Variants in KCNIP4 observed in about 807,000 individuals in gnomAD.
KCNIP4 encodes Kv channel-interacting protein 4.
In KCNIP4, 12 loss-of-function variants were observed where a neutral mutation model predicts 34.0. The observed-to-expected ratio is 0.35, with a 90% CI of 0.23 to 0.57. KCNIP4 has a LOEUF of 0.57. Among genes scored for constraint, KCNIP4 ranks in the 20% least tolerant of loss-of-function variants. The pLI, the probability that KCNIP4 is intolerant of heterozygous loss-of-function variation, is 0.83. For missense variants in KCNIP4, 238 were observed against 311.7 expected (o/e 0.76, Z 1.78); for synonymous variants, 124 against 102.2 (o/e 1.21, Z -1.29).
intron 1 of KCNIP4, among the ~76,000 whole-genome samples, chr4:21,745,030 A>G (rs1716677321): frequency 6.6e-6 from 1 of 152,194 alleles, no homozygotes; most frequent in Non-Finnish European, 1.5e-5. Flanking sequence ...AGAAACAAAA[A>G]ACAGTGCCTT....
chr4:21,428,108 T>C lies in KCNIP4; in HGVS notation c.61+520463A>G, dbSNP rs371306340. ...GACAAATACGGTAACCTGGAGAAACTGGGGCTGGCAGTATCTGAGTGGGCT... is the reference window on the plus strand; with the variant it reads ...GACAAATACGGTAACCTGGAGAAACCGGGGCTGGCAGTATCTGAGTGGGCT... On this transcript the variant is annotated intron_variant, in intron 1 of 8. Transcript: ENST00000382152. 5.3e-5 allele frequency among the ~76,000 whole-genome samples: 8 copies of C among 152,238 alleles called. No individual in the cohort carries two copies. In the South Asian group the frequency reaches 1.7e-3, roughly 32 times the overall value.
intron 1 of KCNIP4, among the ~76,000 whole-genome samples, chr4:21,442,523 A>G (rs767573005): frequency 6.6e-6 from 1 of 152,244 alleles, no homozygotes; most frequent in Non-Finnish European, 1.5e-5. Flanking sequence ...TACAAGAGAT[A>G]ATGTTAGTCC....
intron 3 of KCNIP4, among the ~76,000 whole-genome samples, chr4:20,800,057 G>C (rs1714029465): frequency 6.6e-6 from 1 of 152,210 alleles, no homozygotes; most frequent in African/African-American, 2.4e-5. Context: ...CACTGTGGGG[G>C]AAGATAAGAA....
In KCNIP4 at chr4:21,117,317, G is replaced by T. The variant is rs901326102; in HGVS notation, c.62-234608C>A. Among the ~76,000 whole-genome samples, 43 of 118,610 alleles carry T rather than the reference G, an allele frequency of 3.6e-4. 10 individuals are homozygous for T. In the Admixed American group the frequency reaches 3.7e-3, roughly 10 times the overall value. The allele number at this position is 118,610 out of a possible 152,430, so 77.8% of individuals were successfully genotyped here. A position where few individuals can be genotyped will look rare whatever the true frequency, so the allele number is the denominator to read the frequency against. On this transcript the variant is annotated intron_variant, in intron 1 of 8. Coordinates refer to ENST00000382152, the MANE Select transcript of KCNIP4 (RefSeq NM_025221.6). The stretch of plus-strand genomic sequence containing the variant: ...GGGGTTGCCGGGGGGGGGGGGGGGG[G>T]GGCGCTGTTTTTCATCTTCCTCGGT...
intron 2 of KCNIP4, among the ~76,000 whole-genome samples, chr4:20,864,211 C>T (rs11943349): frequency 5.9e-5 from 8 of 134,506 alleles, no homozygotes; most frequent in South Asian, 4.8e-4. Context: ...TACACACATG[C>T]ATGTATATAT....
At chr4:21,404,857 A>C (rs1395028926) in intron 1 of KCNIP4, among the ~76,000 whole-genome samples, 1 of 152,240 alleles carries the variant, frequency 6.6e-6, no homozygotes, top group Non-Finnish European at 1.5e-5. Flanking sequence ...CTATGACATT[A>C]GTTCTAGGAT....
chr4:21,373,501 CT>C (rs1373679895), intron 1 of KCNIP4, among the ~76,000 whole-genome samples: 3 of 146,970 alleles, frequency 2.0e-5, no homozygotes, highest in Admixed American at 6.6e-5. Flanking sequence ...ATTTTCTTTT[CT>C]TTTGGTAATA....
At chr4:21,607,838 G>A (rs927271088) in intron 1 of KCNIP4, among the ~76,000 whole-genome samples, 3 of 152,058 alleles carry the variant, frequency 2.0e-5, no homozygotes, top group African/African-American at 7.2e-5. Flanking sequence ...TCAGAACATA[G>A]TCACATAGCA....
rs115819670 is a variant in KCNIP4 at position 21,523,116 on chromosome 4, T to C, written c.61+425455A>G. Among the ~76,000 whole-genome samples the C allele has an allele frequency of 9.6e-3, 1,456 of 152,200 alleles. 22 individuals carry two copies. Among genetic ancestry groups the C allele is most frequent in the African/African-American group, 0.033 (1,385 of 41,518 alleles). On this transcript the variant is annotated intron_variant, in intron 1 of 8. Transcript: ENST00000382152. The stretch of plus-strand genomic sequence containing the variant: ...ACCATGTTAGGTTACAGCAAGAAGA[T>C]TGGTCCTCATTGGACATCAAGTCCA...
At chr4:21,250,955 A>C (rs1760656472) in intron 1 of KCNIP4, among the ~76,000 whole-genome samples, 1 of 151,592 alleles carries the variant, frequency 6.6e-6, no homozygotes, top group African/African-American at 2.4e-5. Flanking sequence ...ATATGTATAT[A>C]TCTACACTGT....
At chr4:21,340,009 T>G (rs1716591430) in intron 1 of KCNIP4, among the ~76,000 whole-genome samples, 1 of 152,200 alleles carries the variant, frequency 6.6e-6, no homozygotes, top group African/African-American at 2.4e-5. Flanking sequence ...TATAATGTTA[T>G]CTTTGTAAGG....
At chr4:20,815,136 G>A (rs888762529) in intron 3 of KCNIP4, among the ~76,000 whole-genome samples, 3 of 152,116 alleles carry the variant, frequency 2.0e-5, no homozygotes, top group Non-Finnish European at 2.9e-5. Context: ...TATATCAGCT[G>A]TTTTTTCATT....
At chr4:21,508,465 C>T (rs959311210) in intron 1 of KCNIP4, among the ~76,000 whole-genome samples, 3 of 152,160 alleles carry the variant, frequency 2.0e-5, no homozygotes, top group African/African-American at 7.2e-5. Context: ...ATGAGGATTG[C>T]ACAGTGGCAG....
At chr4:21,105,747 C>T (rs1378802394) in intron 1 of KCNIP4, among the ~76,000 whole-genome samples, 1 of 151,420 alleles carries the variant, frequency 6.6e-6, no homozygotes, top group South Asian at 2.1e-4. Flanking sequence ...ATAGATAGCT[C>T]TTATTATTTT....
At chr4:21,749,669 C>T (rs1020534312) in intron 1 of KCNIP4, among the ~76,000 whole-genome samples, 1 of 152,096 alleles carries the variant, frequency 6.6e-6, no homozygotes, top group Non-Finnish European at 1.5e-5. Context: ...CCTACATCCA[C>T]ATCTCCCATC....
At chr4:21,472,280 G>C (rs1346023071) in intron 1 of KCNIP4, among the ~76,000 whole-genome samples, 2 of 152,048 alleles carry the variant, frequency 1.3e-5, no homozygotes, top group East Asian at 3.9e-4. Flanking sequence ...CCAATCCACT[G>C]AGTGCAGAGG....
intron 1 of KCNIP4, among the ~76,000 whole-genome samples, chr4:21,526,413 C>T (rs1735979520): frequency 6.6e-6 from 1 of 152,038 alleles, no homozygotes; most frequent in Non-Finnish European, 1.5e-5. Flanking sequence ...TCCATTAAAC[C>T]TCTTTCTTTA....
intron 1 of KCNIP4, among the ~76,000 whole-genome samples, chr4:21,721,259 A>G (rs185523020): frequency 2.0e-5 from 3 of 152,318 alleles, no homozygotes; most frequent in Admixed American, 2.0e-4. Flanking sequence ...ATGGCTGTGT[A>G]ATAATGGCCA....
chr4:21,144,635 A>G (rs962737159), intron 1 of KCNIP4, among the ~76,000 whole-genome samples: 2 of 152,202 alleles, frequency 1.3e-5, no homozygotes, highest in Non-Finnish European at 2.9e-5. Flanking sequence ...CCGTTGTTCC[A>G]TAGAGCTTTC....
Sources: gnomAD v4.1 joint callset for allele counts (sites outside exome capture counted in the v4.1 genomes callset) on GRCh38, gnomAD v4.1.1 for gene constraint, MANE v1.5 for transcripts, NCBI Gene and HGNC (gene_info 2026-07-23, HGNC 2026-07-21) for gene names.